TCEA1: variants seen among roughly 807,000 people sequenced by gnomAD.
TCEA1 encodes transcription elongation factor A1.
TCEA1 carries 21 observed loss-of-function variants against 43.8 expected under a neutral mutation model. The ratio of observed to expected loss-of-function variants is 0.48; its 90% CI spans 0.34 to 0.69. The LOEUF (loss-of-function observed/expected upper bound fraction) is 0.69. Among genes scored for constraint, TCEA1 ranks in the 30% least tolerant of loss-of-function variants. The probability of loss-of-function intolerance (pLI) is 0.01; values close to 1 mark genes in which losing one functional copy is unlikely to be tolerated. For synonymous variants in TCEA1, 104 were observed against 117.5 expected (o/e 0.88, Z 0.75); for missense variants, 250 against 365.1 (o/e 0.68, Z 2.57).
chr8:53,985,820 C>G (rs1466069513), intron 6 of TCEA1, among the ~76,000 whole-genome samples: 1 of 152,186 alleles, frequency 6.6e-6, no homozygotes, highest in Non-Finnish European at 1.5e-5. Flanking sequence ...TGAGGTCCCC[C>G]TAACTGAGAA....
intron 1 of TCEA1, among the ~76,000 whole-genome samples, chr8:54,014,456 A>C (rs1345142079): frequency 2.6e-5 from 4 of 152,198 alleles, no homozygotes; most frequent in Non-Finnish European, 5.9e-5. Context: ...TTTAAAAAAA[A>C]AGAAAAGAAA....
In TCEA1 at chr8:53,973,998, A is replaced by C. The variant is rs186662455; in HGVS notation, c.826-3535T>G. ...GAGACCAGCCTGGCCAACATGGTGA[A>C]ACCCTGTCTCTACTAAAAATACAAG... On this transcript the variant is annotated intron_variant, in intron 8 of 9. Coordinates refer to ENST00000521604, the MANE Select transcript of TCEA1 (RefSeq NM_006756.4). The C allele has an allele frequency of 2.4e-3, 391 of 162,524 alleles. 2 individuals carry two copies. The highest frequency in any genetic ancestry group is 0.013 in the Middle Eastern group (4 of 316). 10.1% of individuals were successfully genotyped at this position (162,524 alleles called of 1,614,324 possible).
chr8:53,981,754 CTT>C (rs113461227), intron 7 of TCEA1, among the ~76,000 whole-genome samples: 34 of 140,638 alleles, frequency 2.4e-4, no homozygotes, highest in Non-Finnish European at 1.7e-4. Flanking sequence ...GTAATTCTGA[CTT>C]TTTTTTTTTT....
At chr8:53,968,780 AAAC>A (rs1011252246) in intron 9 of TCEA1, among the ~76,000 whole-genome samples, 2 of 152,102 alleles carry the variant, frequency 1.3e-5, no homozygotes, top group Admixed American at 6.6e-5. Context: ...ACTCCATCTC[AAAC>A]AACAACAACA....
At chr8:53,990,431 T>C (rs1345000302) in intron 4 of TCEA1, among the ~76,000 whole-genome samples, 1 of 150,424 alleles carries the variant, frequency 6.6e-6, no homozygotes, top group Non-Finnish European at 1.5e-5. Context: ...GAAACAACCA[T>C]GGCTTACTGC....
chr8:53,997,905 T>C (rs772199562), intron 3 of TCEA1, among the ~76,000 whole-genome samples: 6 of 152,170 alleles, frequency 3.9e-5, no homozygotes, highest in South Asian at 2.1e-4. Context: ...AGGGGGTGGA[T>C]AGGGGAATAA....
intron 8 of TCEA1, chr8:53,973,746 G>T: frequency 3.7e-6 from 2 of 545,466 alleles, no homozygotes; most frequent in Non-Finnish European, 7.1e-6. Flanking sequence ...ATGGTTTCAA[G>T]CAATGTACAC....
intron 4 of TCEA1, 143 bp downstream of exon 4, chr8:53,993,525 T>C: frequency 1.7e-6 from 1 of 578,402 alleles, no homozygotes; most frequent in Non-Finnish European, 3.0e-6. Context: ...TAAATTAGAA[T>C]ACATGGCTAC....
intron 2 of TCEA1, among the ~76,000 whole-genome samples, chr8:54,008,037 C>G (rs1804531604): frequency 6.6e-6 from 1 of 151,752 alleles, no homozygotes; most frequent in African/African-American, 2.4e-5. Flanking sequence ...CAAAAATTAG[C>G]TGGGCATGGC....
chr8:54,005,758 T>C (rs1384421976), intron 2 of TCEA1, among the ~76,000 whole-genome samples: 1 of 152,190 alleles, frequency 6.6e-6, no homozygotes, highest in Non-Finnish European at 1.5e-5. Flanking sequence ...ATAACTTCAT[T>C]AGTCAACAGG....
At chr8:53,988,861 G>A (rs1803777230) in intron 4 of TCEA1, among the ~76,000 whole-genome samples, 1 of 152,210 alleles carries the variant, frequency 6.6e-6, no homozygotes, top group Non-Finnish European at 1.5e-5. Context: ...GAGGCCAGTA[G>A]AGTTCAAATC....
At chr8:53,994,465 G>A (rs1803983153) in intron 3 of TCEA1, among the ~76,000 whole-genome samples, 1 of 152,102 alleles carries the variant, frequency 6.6e-6, no homozygotes, top group South Asian at 2.1e-4. Flanking sequence ...TTCTGGGATG[G>A]TAAACAAAAA....
intron 3 of TCEA1, among the ~76,000 whole-genome samples, chr8:53,995,291 T>C (rs1426379617): frequency 7.8e-6 from 1 of 128,230 alleles, no homozygotes; most frequent in Non-Finnish European, 1.6e-5. Context: ...TGAGACTCTG[T>C]CTCAAAAAAA....
chr8:53,990,984 G>A (rs899786113), intron 4 of TCEA1, among the ~76,000 whole-genome samples: 4 of 152,120 alleles, frequency 2.6e-5, no homozygotes, highest in African/African-American at 9.7e-5. Context: ...TGTGTGTTGG[G>A]GCGGGGATGG....
intron 3 of TCEA1, among the ~76,000 whole-genome samples, chr8:53,994,720 A>C (rs1803994407): frequency 6.6e-6 from 1 of 151,720 alleles, no homozygotes; most frequent in Non-Finnish European, 1.5e-5. Flanking sequence ...AAATACAAAA[A>C]ATTAGCCGGG....
At chr8:53,974,499 T>A (rs948293545) in intron 8 of TCEA1, among the ~76,000 whole-genome samples, 2 of 132,000 alleles carry the variant, frequency 1.5e-5, no homozygotes, top group Admixed American at 8.7e-5. Context: ...AAAGTTACTC[T>A]AGCTTTCTGG....
intron 2 of TCEA1, among the ~76,000 whole-genome samples, chr8:54,007,574 A>C (rs758052407): frequency 3.9e-5 from 6 of 152,260 alleles, no homozygotes; most frequent in Non-Finnish European, 7.3e-5. Flanking sequence ...AACTGAAGTT[A>C]AAACATTTGT....
intron 6 of TCEA1, among the ~76,000 whole-genome samples, chr8:53,984,995 A>G (rs974010203): frequency 6.6e-6 from 1 of 152,182 alleles, no homozygotes; most frequent in Non-Finnish European, 1.5e-5. Context: ...TTGGCGAATA[A>G]TAGTGATATT....
chr8:54,011,377 T>C (rs1466888588), intron 1 of TCEA1, among the ~76,000 whole-genome samples: 1 of 152,202 alleles, frequency 6.6e-6, no homozygotes, highest in African/African-American at 2.4e-5. Flanking sequence ...TTTGTAGTAG[T>C]GTGCACAGCT....
Sources: gnomAD v4.1 joint callset for allele counts (sites outside exome capture counted in the v4.1 genomes callset) on GRCh38, gnomAD v4.1.1 for gene constraint, MANE v1.5 for transcripts, NCBI Gene and HGNC (gene_info 2026-07-23, HGNC 2026-07-21) for gene names.